Variants in COQ8B observed in about 807,000 individuals in gnomAD.
COQ8B encodes the protein atypical kinase COQ8B, mitochondrial.
In COQ8B, 44 loss-of-function variants were observed where a neutral mutation model predicts 62.0. That is an observed-to-expected ratio of 0.71 (90% CI 0.56 to 0.91). The LOEUF is 0.91. Ranked by LOEUF, COQ8B falls within the 40% of genes least tolerant of loss-of-function variation. The probability of loss-of-function intolerance (pLI) is 0.00; values close to 1 mark genes in which losing one functional copy is unlikely to be tolerated. For missense variants in COQ8B, 649 were observed against 731.6 expected (o/e 0.89, Z 1.30); for synonymous variants, 252 against 289.9 (o/e 0.87, Z 1.33).
At chr19:40,698,997 C>CT (rs34684819) in intron 12 of COQ8B, among the ~76,000 whole-genome samples, 20,175 of 144,196 alleles carry the variant, frequency 0.14, 1,435 homozygotes, top group Middle Eastern at 0.17. Flanking sequence ...CCATCTCAGC[C>CT]TTTTTTTTTT....
At position 40,714,030 on chromosome 19, in the gene COQ8B, T is replaced by C. The variant is rs368483687; in HGVS notation, c.289+37A>G. ...AATCTGTAAATGTTGCCCTTTCTAA[T>C]TGAGGTCACACCAAGATCCCCCAAA... On this transcript the variant is annotated intron_variant, in intron 4 of 14. Coordinates refer to ENST00000324464, the MANE Select transcript of COQ8B (RefSeq NM_024876.4). 1.9e-5 allele frequency: 30 copies of C among 1,608,802 alleles called. No individual in the cohort carries two copies. In the Admixed American group the frequency reaches 2.0e-4, roughly 11 times the overall value.
At chr19:40,693,678 G>C (rs1347331493) in intron 13 of COQ8B, among the ~76,000 whole-genome samples, 1 of 152,214 alleles carries the variant, frequency 6.6e-6, no homozygotes, top group Admixed American at 6.5e-5. Flanking sequence ...TTTCTCATCT[G>C]TGAAGTGGGG....
At chr19:40,697,864 A>G (rs1469045245) in intron 12 of COQ8B, among the ~76,000 whole-genome samples, 1 of 125,446 alleles carries the variant, frequency 8.0e-6, no homozygotes, top group South Asian at 2.7e-4. Context: ...AGAGAGAGAG[A>G]GAGAGAGAGA....
At chr19:40,710,450 G>A (rs562325523) in intron 4 of COQ8B, among the ~76,000 whole-genome samples, 89 of 151,984 alleles carry the variant, frequency 5.9e-4, no homozygotes, top group African/African-American at 2.1e-3. Flanking sequence ...GGGTTTCACC[G>A]TGTTGGCCAG....
chr19:40,704,975 T>C, intron 7 of COQ8B, 121 bp downstream of exon 7: 1 of 956,928 alleles, frequency 1.0e-6, no homozygotes, highest in East Asian at 2.7e-5. Flanking sequence ...TGATTCCCAT[T>C]TTACAGATGG....
At chr19:40,697,136 G>C (rs976558016) in intron 12 of COQ8B, among the ~76,000 whole-genome samples, 2 of 150,164 alleles carry the variant, frequency 1.3e-5, no homozygotes, top group African/African-American at 4.9e-5. Context: ...TTTTGAGACA[G>C]GGTCTTGATC....
chr19:40,714,940 T>G, intron 1 of COQ8B: 1 of 1,123,784 alleles, frequency 8.9e-7, no homozygotes, highest in Admixed American at 4.7e-5. Flanking sequence ...ACCCCCCTCG[T>G]TGCTATGCAC....
In COQ8B at chr19:40,714,075, T is replaced by G; in HGVS notation, c.281A>C (p.Asn94Thr). The G allele has an allele frequency of 1.2e-6, 2 of 1,614,004 alleles. No individual in the cohort carries two copies. The highest frequency in any genetic ancestry group is 1.7e-6 in the Non-Finnish European group (2 of 1,180,002). ...CCCAAAGTCACACCTACCCCCAAAG[T>G]TGGCCAAGCGGCTGATGCGGGAGGC... is the stretch of plus-strand genomic sequence containing the variant. ...VPASRISRLANFGGLAVGLGL... is the reference protein window; with the variant it reads ...VPASRISRLATFGGLAVGLGL... The change falls in exon 4 of 15, where the codon AAC becomes ACC. Residue 94 changes from asparagine (N) to threonine (T), a missense_variant. Coordinates refer to ENST00000324464, the MANE Select transcript of COQ8B (RefSeq NM_024876.4).
Position 40,696,007 on chromosome 19 carries a change from G to A in COQ8B, c.1191C>T (p.Phe397=). Residue 397 remains phenylalanine, a synonymous_variant, in exon 13 of 15, where the codon TTC becomes TTT. Transcript: ENST00000324464. ...FGASREFGTE[F]TDHYIEVVKA... ...GACTCACCTCGATGTAATGGTCTGTGAACTCTGTCCCAAACTCCCGGCTTG... is the reference window on the plus strand; with the variant it reads ...GACTCACCTCGATGTAATGGTCTGTAAACTCTGTCCCAAACTCCCGGCTTG... 1.2e-6 allele frequency: 2 copies of A among 1,614,158 alleles called. No homozygotes were observed. The highest frequency in any genetic ancestry group is 1.7e-6 in the Non-Finnish European group (2 of 1,180,024).
chr19:40,698,260 C>T (rs184117140), intron 12 of COQ8B, among the ~76,000 whole-genome samples: 108 of 150,314 alleles, frequency 7.2e-4, no homozygotes, highest in African/African-American at 2.4e-3. Context: ...TGGATCCCTC[C>T]CATCTGTGAC....
Position 40,692,232 on chromosome 19 carries a change from GAC to G in COQ8B, c.1436_1437del (p.Cys479SerfsTer83). The G allele has an allele frequency of 6.2e-7, 1 of 1,609,096 alleles. No individual in the cohort carries two copies. Among genetic ancestry groups the G allele is most frequent in the Non-Finnish European group, 8.5e-7 (1 of 1,177,734 alleles). On this transcript the variant is annotated frameshift_variant, in exon 15 of 15. Coordinates refer to ENST00000324464, the MANE Select transcript of COQ8B (RefSeq NM_024876.4). LOFTEE classifies it low-confidence loss of function (END_TRUNC). The part of the protein sequence containing the change: ...LIPVLLRHRL[C>X]PPPEETYALH... ...AGGGCATAGGTCTCCTCGGGTGGGG[GAC>G]ACAGCCGGTGCCGCAGCAGCACCGG... is the stretch of plus-strand genomic sequence containing the variant.
chr19:40,700,495 C>T (rs1410093878), intron 10 of COQ8B, 44 bp from the exon 11 acceptor site: 1 of 1,595,390 alleles, frequency 6.3e-7, no homozygotes, highest in Non-Finnish European at 8.5e-7. Flanking sequence ...GTGCTTCAGG[C>T]TTGTGACCCA....
intron 12 of COQ8B, among the ~76,000 whole-genome samples, chr19:40,697,801 TAAAC>T (rs1467008751): frequency 4.2e-5 from 6 of 141,944 alleles, no homozygotes; most frequent in Non-Finnish European, 9.1e-5. Context: ...ACTCTATCTC[TAAAC>T]AAACAAATAA....
At chr19:40,693,752 C>A (rs926882572) in intron 13 of COQ8B, among the ~76,000 whole-genome samples, 3 of 152,156 alleles carry the variant, frequency 2.0e-5, no homozygotes, top group Non-Finnish European at 4.4e-5. Flanking sequence ...CTGTGGCCTG[C>A]CTGGCGCTGT....
Position 40,707,201 on chromosome 19 carries a change from AGAGGTTACAGT to A in COQ8B, c.368-1765_368-1755del, listed in dbSNP as rs769664403. ...GGAAGATCACTTGGACCCAGGAGGT[AGAGGTTACAGT>A]GAGCCGTGATCCCGCCACCGCACTC... On this transcript the variant is annotated intron_variant, in intron 5 of 14. Transcript: ENST00000324464. 4.6e-5 allele frequency among the ~76,000 whole-genome samples: 7 copies of A among 151,810 alleles called. No homozygotes were observed. In the East Asian group the frequency reaches 1.4e-3, roughly 30 times the overall value.
chr19:40,692,701 C>T (rs1339038668), intron 14 of COQ8B, among the ~76,000 whole-genome samples: 1 of 152,030 alleles, frequency 6.6e-6, no homozygotes, highest in African/African-American at 2.4e-5. Flanking sequence ...AGAAGTCAGG[C>T]AGCCACCTCC....
intron 4 of COQ8B, 90 bp downstream of exon 4, chr19:40,713,977 G>C: frequency 7.2e-7 from 1 of 1,384,980 alleles, no homozygotes; most frequent in Non-Finnish European, 1.0e-6. Context: ...TCTCTTTCCT[G>C]TCTCTGATTC....
intron 4 of COQ8B, among the ~76,000 whole-genome samples, chr19:40,710,767 T>G (rs2144712826): frequency 6.6e-6 from 1 of 152,300 alleles, no homozygotes; most frequent in East Asian, 1.9e-4. Flanking sequence ...CTGATTAAAT[T>G]GGCCTGAGAC....
intron 5 of COQ8B, among the ~76,000 whole-genome samples, chr19:40,709,106 C>T (rs2082121870): frequency 6.6e-6 from 1 of 152,194 alleles, no homozygotes; most frequent in Non-Finnish European, 1.5e-5. Context: ...GACCCACTTG[C>T]ATGTAGTTGC....
Sources: gnomAD v4.1 joint callset for allele counts (sites outside exome capture counted in the v4.1 genomes callset) on GRCh38, gnomAD v4.1.1 for gene constraint, MANE v1.5 for transcripts, NCBI Gene and HGNC (gene_info 2026-07-23, HGNC 2026-07-21) for gene names.